The following RIMKLB variants were observed in gnomAD, a reference collection of about 807,000 sequenced individuals.
RIMKLB encodes ribosomal modification protein rimK like family member B.
In RIMKLB, 7 loss-of-function variants were observed where a neutral mutation model predicts 32.0. That is an observed-to-expected ratio of 0.22 (90% CI 0.12 to 0.41). The LOEUF is 0.41. RIMKLB is among the 10% of genes least tolerant of loss of function. The pLI, the probability that RIMKLB is intolerant of heterozygous loss-of-function variation, is 1.00. For synonymous variants in RIMKLB, 172 were observed against 185.1 expected, an observed-to-expected ratio of 0.93 and a Z score of 0.57; for missense variants, 289 against 498.7, an observed-to-expected ratio of 0.58 and a Z score of 4.00.
chr12:8,720,932 CAG>C (rs1945386878), intron 2 of RIMKLB, among the ~76,000 whole-genome samples: 2 of 152,164 alleles, frequency 1.3e-5, no homozygotes. Flanking sequence ...TATGCTGCCT[CAG>C]AGTCTACTGG....
chr12:8,739,115 AC>A (rs1947269924), intron 2 of RIMKLB, among the ~76,000 whole-genome samples: 1 of 152,226 alleles, frequency 6.6e-6, no homozygotes, highest in Non-Finnish European at 1.5e-5. Context: ...GGCTGCTATA[AC>A]AAATTACCAT....
chr12:8,775,841 T>A lies in RIMKLB; in HGVS notation c.*2057T>A. 1.0e-6 allele frequency: 1 copy of A among 985,010 alleles called. No individual in the cohort carries two copies. The highest frequency in any genetic ancestry group is 1.2e-6 in the Non-Finnish European group (1 of 829,498). The allele number at this position is 985,010 out of a possible 1,614,324, so 61.0% of individuals were successfully genotyped here. A position where few individuals can be genotyped will look rare whatever the true frequency, so the allele number is the denominator to read the frequency against. On this transcript the variant is annotated 3_prime_UTR_variant, in exon 6 of 6. Coordinates refer to ENST00000535829, the MANE Select transcript of RIMKLB (RefSeq NM_001297776.2). The stretch of plus-strand genomic sequence containing the variant: ...TGTAATTTATCTTAGGATATTCTAA[T>A]TGCATTTAAAAGAACTTATCTTGCG...
At chr12:8,745,454 G>T (rs1017441068) in intron 2 of RIMKLB, among the ~76,000 whole-genome samples, 3 of 151,694 alleles carry the variant, frequency 2.0e-5, no homozygotes, top group African/African-American at 7.3e-5. Flanking sequence ...GAATGCAATG[G>T]CAGGATCTTG....
At chr12:8,680,948 C>T (rs1942397959), upstream of RIMKLB, among the ~76,000 whole-genome samples, 1 of 151,330 alleles carries the variant, frequency 6.6e-6, no homozygotes, top group African/African-American at 2.4e-5. Context: ...TTACAAGCCC[C>T]TTGTTCCTGG....
chr12:8,746,441 A>G (rs112846481), intron 2 of RIMKLB, among the ~76,000 whole-genome samples: 5,033 of 151,462 alleles, frequency 0.033, 374 homozygotes, highest in African/African-American at 0.12. Flanking sequence ...TCTAAAAAAT[A>G]CAAACAAGTA....
intron 2 of RIMKLB, among the ~76,000 whole-genome samples, chr12:8,720,375 T>G (rs972330748): frequency 6.6e-6 from 1 of 152,198 alleles, no homozygotes; most frequent in African/African-American, 2.4e-5. Context: ...AGTGGTCAAC[T>G]AATATTTGAG....
chr12:8,673,494 T>A, the RIMKLB span, among the ~76,000 whole-genome samples: 1 of 152,130 alleles, frequency 6.6e-6, no homozygotes, highest in Non-Finnish European at 1.5e-5. Context: ...GATGGCTGAA[T>A]GGCTAGTTGG....
At chr12:8,701,717 T>C (rs957500665) in intron 1 of RIMKLB, among the ~76,000 whole-genome samples, 5 of 151,664 alleles carry the variant, frequency 3.3e-5, no homozygotes, top group African/African-American at 1.2e-4. Context: ...ATTTAGATTT[T>C]ACAGGGGCCA....
intron 1 of RIMKLB, among the ~76,000 whole-genome samples, chr12:8,698,748 G>A (rs1029790281): frequency 2.6e-5 from 4 of 151,416 alleles, no homozygotes; most frequent in Non-Finnish European, 5.9e-5. Context: ...ACCGCGGGAG[G>A]AGGATCACGT....
intron 2 of RIMKLB, among the ~76,000 whole-genome samples, chr12:8,733,739 C>G (rs1000811955): frequency 1.2e-4 from 18 of 151,982 alleles, no homozygotes; most frequent in African/African-American, 4.3e-4. Flanking sequence ...AGAAATTAGC[C>G]GGACGTGATG....
chr12:8,700,772 T>C (rs1943320075), intron 1 of RIMKLB, among the ~76,000 whole-genome samples: 1 of 152,196 alleles, frequency 6.6e-6, no homozygotes, highest in African/African-American at 2.4e-5. Flanking sequence ...CCTCTAGAAA[T>C]TGTAATTATG....
intron 1 of RIMKLB, 35 bp downstream of exon 1, chr12:8,698,332 G>C (rs1943037990): frequency 4.3e-6 from 1 of 234,148 alleles, no homozygotes; most frequent in Non-Finnish European, 9.0e-6. Context: ...CTCGGGTGTA[G>C]AGCAGTGAGG....
intron 1 of RIMKLB, among the ~76,000 whole-genome samples, chr12:8,690,300 T>G (rs1591600640): frequency 6.6e-6 from 1 of 152,370 alleles, no homozygotes; most frequent in East Asian, 1.9e-4. Flanking sequence ...GTTGAATCTT[T>G]AGAGGTGATG....
At chr12:8,729,542 T>TG (rs1390465677) in intron 2 of RIMKLB, among the ~76,000 whole-genome samples, 4 of 151,298 alleles carry the variant, frequency 2.6e-5, no homozygotes, top group African/African-American at 4.9e-5. Context: ...AGATGGAGAG[T>TG]GGGGAGGGGC....
intron 2 of RIMKLB, among the ~76,000 whole-genome samples, chr12:8,716,431 C>CT (rs11307521): frequency 0.039 from 3,172 of 81,660 alleles, 179 homozygotes; most frequent in African/African-American, 0.13. Flanking sequence ...ATTAACATGT[C>CT]TTTTTTTTTT....
chr12:8,746,271 A>C lies in RIMKLB; in HGVS notation c.176-3591A>C, dbSNP rs193039055. On this transcript the variant is annotated intron_variant, in intron 2 of 5. Coordinates refer to ENST00000535829, the MANE Select transcript of RIMKLB (RefSeq NM_001297776.2). ...TTTTTCAATTTTTAGAATGCTCTTT[A>C]GATTTGCTTATCTAGGCAAGTCACT... 8.6e-5 allele frequency among the ~76,000 whole-genome samples: 13 copies of C among 151,644 alleles called. 1 individual carries two copies. The highest frequency in any genetic ancestry group is 3.2e-4 in the African/African-American group (13 of 41,116).
chr12:8,714,146 CTAAG>C (rs1404912698), intron 2 of RIMKLB, 105 bp downstream of exon 2: 5 of 824,526 alleles, frequency 6.1e-6, no homozygotes, highest in African/African-American at 3.5e-5. Flanking sequence ...CTTGTCATTA[CTAAG>C]TATCTTCTAA....
chr12:8,782,494 T>C (rs770764161), intron 7 of RIMKLB, among the ~76,000 whole-genome samples: 13 of 152,246 alleles, frequency 8.5e-5, no homozygotes, highest in African/African-American at 3.1e-4. Context: ...TTGGCTGTTT[T>C]GGTGTCAGCA....
intron 5 of RIMKLB, among the ~76,000 whole-genome samples, chr12:8,760,255 C>A (rs1949405976): frequency 6.6e-6 from 1 of 152,144 alleles, no homozygotes; most frequent in African/African-American, 2.4e-5. Flanking sequence ...CATCCATGTC[C>A]CTACAAAGGA....
Sources: gnomAD v4.1 joint callset for allele counts (sites outside exome capture counted in the v4.1 genomes callset) on GRCh38, gnomAD v4.1.1 for gene constraint, MANE v1.5 for transcripts, NCBI Gene and HGNC (gene_info 2026-07-23, HGNC 2026-07-21) for gene names.